Variants in ZC3H3 observed in about 807,000 individuals in gnomAD.
The protein encoded by ZC3H3 is zinc finger CCCH domain-containing protein 3.
A neutral mutation model predicts 77.3 loss-of-function variants in ZC3H3; 36 were observed. That is an observed-to-expected ratio of 0.47 (90% CI 0.36 to 0.61). The LOEUF (loss-of-function observed/expected upper bound fraction) is 0.61, where lower values mean the gene tolerates loss of function less well. Ranked by LOEUF, ZC3H3 falls within the 20% of genes least tolerant of loss-of-function variation. The pLI is 0.00. For missense variants in ZC3H3, 1,331 were observed against 1,312.2 expected (o/e 1.01, Z -0.22); for synonymous variants, 626 against 555.2 (o/e 1.13, Z -1.79).
intron 9 of ZC3H3, among the ~76,000 whole-genome samples, chr8:143,464,117 C>G (rs749596979): frequency 6.6e-6 from 1 of 152,254 alleles, no homozygotes; most frequent in African/African-American, 2.4e-5. Context: ...CCCGGGCTGC[C>G]GCCTGTCCCC....
Position 143,490,267 on chromosome 8 carries a change from T to C in ZC3H3, c.1716-14682A>G, listed in dbSNP as rs185574813. Among the ~76,000 whole-genome samples, 16 of 152,276 alleles carry C rather than the reference T, an allele frequency of 1.1e-4. No individual in the cohort carries two copies. The East Asian group carries it at 2.3e-3, about 22-fold the overall frequency. On this transcript the variant is annotated intron_variant, in intron 4 of 11. Coordinates refer to ENST00000262577, the MANE Select transcript of ZC3H3 (RefSeq NM_015117.3). ...ACGGTCCCATCTCTGAGGGCCCACA[T>C]AGCAATACAATAGAAAGGAGGTAGG...
chr8:143,521,754 G>C (rs1299288321), intron 3 of ZC3H3, among the ~76,000 whole-genome samples: 1 of 152,188 alleles, frequency 6.6e-6, no homozygotes, highest in Non-Finnish European at 1.5e-5. Flanking sequence ...AGAGTCTGGG[G>C]CCCCCAGAAG....
intron 4 of ZC3H3, among the ~76,000 whole-genome samples, chr8:143,491,965 G>A (rs1285234020): frequency 2.6e-5 from 4 of 152,204 alleles, no homozygotes; most frequent in Non-Finnish European, 4.4e-5. Flanking sequence ...CAGGCATGTT[G>A]CCTCCACCTG....
rs183113531 is a variant in ZC3H3, at chr8:143,524,431, C to T, written c.1561+11826G>A. On this transcript the variant is annotated intron_variant, in intron 3 of 11. Transcript: ENST00000262577. ...GACAGCCTCAGTACTTCATGCCTGA[C>T]TGTGCTGGTCAGACACACCCGGCCG... Among the ~76,000 whole-genome samples, 200 of 152,368 alleles carry T rather than the reference C, an allele frequency of 1.3e-3. 1 individual carries two copies. The highest frequency in any genetic ancestry group is 0.011 in the Admixed American group (175 of 15,312).
chr8:143,445,920 T>C (rs1819853540), intron 9 of ZC3H3, among the ~76,000 whole-genome samples: 1 of 152,168 alleles, frequency 6.6e-6, no homozygotes. Context: ...TAGCTGAAAT[T>C]CGTTCTAAAA....
At chr8:143,440,560 G>T in intron 10 of ZC3H3, among the ~76,000 whole-genome samples, 197 bp from the exon 11 acceptor site, 1 of 152,186 alleles carries the variant, frequency 6.6e-6, no homozygotes, top group East Asian at 1.9e-4. Flanking sequence ...TCCACACCGA[G>T]CCTGCCCCTC....
chr8:143,446,716 G>C (rs1158222509), intron 9 of ZC3H3, among the ~76,000 whole-genome samples: 1 of 152,266 alleles, frequency 6.6e-6, no homozygotes, highest in Non-Finnish European at 1.5e-5. Flanking sequence ...GCCCGTCCAA[G>C]CTGCCGAGCG....
chr8:143,465,924 C>A, intron 8 of ZC3H3, 76 bp from the exon 9 acceptor site: 1 of 1,524,416 alleles, frequency 6.6e-7, no homozygotes, highest in Non-Finnish European at 8.8e-7. Context: ...GGGGACCCTC[C>A]TACGGCCCCG....
chr8:143,448,405 G>A (rs906288010), intron 9 of ZC3H3, among the ~76,000 whole-genome samples: 17 of 152,206 alleles, frequency 1.1e-4, no homozygotes, highest in African/African-American at 4.1e-4. Context: ...CATAGGTATT[G>A]GGTAAATACT....
At chr8:143,514,587 C>T (rs956414628) in intron 3 of ZC3H3, among the ~76,000 whole-genome samples, 4 of 152,248 alleles carry the variant, frequency 2.6e-5, no homozygotes, top group Non-Finnish European at 4.4e-5. Flanking sequence ...GCTCTCGCCC[C>T]TAGCAGCCAG....
intron 3 of ZC3H3, among the ~76,000 whole-genome samples, chr8:143,515,289 C>G (rs1003512207): frequency 6.6e-6 from 1 of 152,256 alleles, no homozygotes; most frequent in Non-Finnish European, 1.5e-5. Context: ...GCACTCCCCC[C>G]GCTGCAACGC....
chr8:143,538,225 G>A lies in ZC3H3; in HGVS notation c.1142C>T (p.Ala381Val), dbSNP rs771980998. 1 of 1,613,032 alleles carries A rather than the reference G, an allele frequency of 6.2e-7. No homozygotes were observed. Among genetic ancestry groups the A allele is most frequent in the Non-Finnish European group, 8.5e-7 (1 of 1,180,036 alleles). ...GSAPSKYKWK[A>V]SSPSASSSSS... Reference sequence around the variant, plus strand: ...AGAGGAGGAGGCAGAGGGGCTGGAGGCCTTCCACTTGTACTTGCTGGGGGC... The same window carrying A: ...AGAGGAGGAGGCAGAGGGGCTGGAGACCTTCCACTTGTACTTGCTGGGGGC... The change falls in exon 2 of 12, where the codon GCC (alanine) becomes GTC (valine). Residue 381 changes from alanine (A) to valine (V), a missense_variant. By Grantham distance (64) the Ala-to-Val change is moderately conservative. Coordinates refer to ENST00000262577, the MANE Select transcript of ZC3H3 (RefSeq NM_015117.3).
intron 4 of ZC3H3, among the ~76,000 whole-genome samples, chr8:143,492,198 C>T (rs1245601573): frequency 6.6e-6 from 1 of 152,198 alleles, no homozygotes; most frequent in African/African-American, 2.4e-5. Flanking sequence ...GGTCGGGCGG[C>T]AAAGCCTCGG....
rs768016357 is a variant in ZC3H3, at chr8:143,538,599, A to G, written c.768T>C (p.Ala256=). The G allele has an allele frequency of 1.9e-6, 3 of 1,610,118 alleles. No individual in the cohort carries two copies. The South Asian group carries it at 3.3e-5, about 18-fold the overall frequency. Residue 256 remains alanine (A), a synonymous_variant, in exon 2 of 12, where the codon GCT becomes GCC. Transcript: ENST00000262577. ...CTCTCCTGTCCCCAAGGAGCTGTGG[A>G]GCACAGCTGGCCACGGAATGAGAAC... ...KLGSHSVASC[A]PQLLGDRRVD...
chr8:143,485,929 C>G (rs1040123108), intron 4 of ZC3H3, among the ~76,000 whole-genome samples: 2 of 152,262 alleles, frequency 1.3e-5, no homozygotes, highest in Non-Finnish European at 2.9e-5. Context: ...ACAGGAGACA[C>G]GGGCCTGAGA....
chr8:143,506,082 C>G (rs1821685066), intron 4 of ZC3H3, among the ~76,000 whole-genome samples: 1 of 152,256 alleles, frequency 6.6e-6, no homozygotes, highest in Non-Finnish European at 1.5e-5. Flanking sequence ...TCCTCAGCCC[C>G]AGGGCATGGG....
intron 9 of ZC3H3, among the ~76,000 whole-genome samples, chr8:143,443,465 C>T (rs1202074316): frequency 6.6e-6 from 1 of 152,050 alleles, no homozygotes; most frequent in African/African-American, 2.4e-5. Flanking sequence ...CCAAACAAAA[C>T]CCCCAGAAAA....
intron 3 of ZC3H3, among the ~76,000 whole-genome samples, chr8:143,518,353 C>T (rs891298325): frequency 5.3e-5 from 8 of 152,234 alleles, no homozygotes; most frequent in East Asian, 3.8e-4. Context: ...CCGGGCGGCA[C>T]GGAGACCCAG....
intron 4 of ZC3H3, among the ~76,000 whole-genome samples, chr8:143,497,282 C>T (rs927285162): frequency 6.6e-6 from 1 of 152,188 alleles, no homozygotes; most frequent in African/African-American, 2.4e-5. Context: ...CAGGGAGACT[C>T]GGCACCCAGG....
Sources: allele counts gnomAD v4.1 joint callset (sites outside exome capture counted in the v4.1 genomes callset), GRCh38; gene constraint gnomAD v4.1.1; transcripts MANE v1.5; gene names NCBI Gene and HGNC (gene_info 2026-07-23, HGNC 2026-07-21).